The following N4BP2 variants were observed in gnomAD, a reference collection of about 807,000 sequenced individuals.
N4BP2 encodes the protein NEDD4 binding protein 2.
N4BP2 carries 91 observed loss-of-function variants against 152.8 expected under a neutral mutation model. That is an observed-to-expected ratio of 0.60 (90% CI 0.50 to 0.71). The LOEUF (loss-of-function observed/expected upper bound fraction) is 0.71, where lower values mean the gene tolerates loss of function less well. Ranked by LOEUF, N4BP2 falls within the 30% of genes least tolerant of loss-of-function variation. The pLI is 0.00. For synonymous variants in N4BP2, 646 were observed against 705.3 expected, an observed-to-expected ratio of 0.92 and a Z score of 1.33; for missense variants, 1,923 against 2,059.1, an observed-to-expected ratio of 0.93 and a Z score of 1.28.
At chr4:40,078,226 C>T (rs1403567553) in intron 2 of N4BP2, among the ~76,000 whole-genome samples, 2 of 151,052 alleles carry the variant, frequency 1.3e-5, no homozygotes, top group South Asian at 2.1e-4. Context: ...GGATTTCAGC[C>T]TCCTGGTTTC....
chr4:40,150,649 C>T (rs185347122), intron 16 of N4BP2, among the ~76,000 whole-genome samples: 1 of 145,372 alleles, frequency 6.9e-6, no homozygotes, highest in Non-Finnish European at 1.5e-5. Flanking sequence ...TCAACCTGGG[C>T]AACAGAGTGA....
At position 40,099,681 on chromosome 4, in the gene N4BP2, GA is replaced by G. The variant is rs200624860; in HGVS notation, c.229+2120del. 4.7e-4 allele frequency among the ~76,000 whole-genome samples: 72 copies of G among 151,708 alleles called. No individual in the cohort carries two copies. In the East Asian group the frequency reaches 0.01, roughly 22 times the overall value. ...TTCTTGTGTAAATTGTTCATTCATT[GA>G]AAAAAAATTTTTTTATACCATGGTT... On this transcript the variant is annotated intron_variant, in intron 3 of 17. Transcript: ENST00000261435.
chr4:40,087,254 C>T (rs1307914857), intron 2 of N4BP2, among the ~76,000 whole-genome samples: 2 of 151,852 alleles, frequency 1.3e-5, no homozygotes, highest in South Asian at 2.1e-4. Flanking sequence ...TCCTTTTCCC[C>T]TTCCCCTCCT....
intron 16 of N4BP2, among the ~76,000 whole-genome samples, chr4:40,149,385 G>A (rs916774649): frequency 6.6e-6 from 1 of 152,202 alleles, no homozygotes; most frequent in African/African-American, 2.4e-5. Flanking sequence ...TAAATCTAGA[G>A]AGACAAAAAT....
At chr4:40,092,008 T>TA (rs1491368293) in intron 2 of N4BP2, among the ~76,000 whole-genome samples, 64 of 27,164 alleles carry the variant, frequency 2.4e-3, no homozygotes, top group African/African-American at 4.0e-3. Context: ...AAAAAAAAAA[T>TA]TATATATATA....
At chr4:40,107,173 C>T in intron 5 of N4BP2, 149 bp downstream of exon 5, 1 of 731,082 alleles carries the variant, frequency 1.4e-6, no homozygotes, top group Non-Finnish European at 2.2e-6. Context: ...GATCTTGGCT[C>T]ACTGCAGCCT....
chr4:40,180,003 A>G, the N4BP2 span, among the ~76,000 whole-genome samples: 2 of 152,084 alleles, frequency 1.3e-5, no homozygotes, highest in African/African-American at 4.8e-5. Flanking sequence ...ACCTCAGGTG[A>G]TCCGCCCACC....
intron 16 of N4BP2, among the ~76,000 whole-genome samples, chr4:40,148,725 A>G (rs1670953383): frequency 6.6e-6 from 1 of 152,232 alleles, no homozygotes; most frequent in Non-Finnish European, 1.5e-5. Flanking sequence ...TCTGGGCTCA[A>G]GTGATCCTCC....
intron 13 of N4BP2, among the ~76,000 whole-genome samples, chr4:40,133,951 A>T (rs1204243911): frequency 6.6e-6 from 1 of 151,714 alleles, no homozygotes; most frequent in African/African-American, 2.4e-5. Flanking sequence ...GACTATAGAC[A>T]CGTGCCACCA....
chr4:40,077,455 CTTT>C (rs34189324), intron 2 of N4BP2, among the ~76,000 whole-genome samples: 79 of 125,606 alleles, frequency 6.3e-4, no homozygotes, highest in Middle Eastern at 4.0e-3. Flanking sequence ...GCCAGAATAT[CTTT>C]TTTTTTTTTT....
At chr4:40,110,311 A>G (rs1198326481) in intron 5 of N4BP2, among the ~76,000 whole-genome samples, 1 of 152,224 alleles carries the variant, frequency 6.6e-6, no homozygotes, top group Admixed American at 6.5e-5. Context: ...CCTTTTTAGG[A>G]ACTGCCATGC....
chr4:40,175,928 A>G, the N4BP2 span, among the ~76,000 whole-genome samples: 3 of 151,584 alleles, frequency 2.0e-5, no homozygotes, highest in South Asian at 6.3e-4. Context: ...GTCTCTACTA[A>G]GAATACAAAA....
At position 40,120,158 on chromosome 4, in the gene N4BP2, A is replaced by G. The variant is rs1200644771; in HGVS notation, c.2047A>G (p.Met683Val). The G allele has an allele frequency of 1.9e-6, 3 of 1,613,326 alleles. No homozygotes were observed. Among genetic ancestry groups the G allele is most frequent in the South Asian group, 1.1e-5 (1 of 91,050 alleles). ...QSALILETPH[M>V]YFSDSESKLQ... is the part of the protein sequence containing the mutation. Reference sequence around the variant, plus strand: ...TGCTTTAATTCTGGAAACTCCACACATGTATTTTTCTGACTCTGAAAGCAA... The same window carrying G: ...TGCTTTAATTCTGGAAACTCCACACGTGTATTTTTCTGACTCTGAAAGCAA... Residue 683 changes from methionine to valine, a missense_variant, in exon 9 of 18, where the codon ATG (methionine) becomes GTG (valine). Transcript: ENST00000261435.
In N4BP2 at chr4:40,123,108, C is replaced by T. The variant is rs953109111; in HGVS notation, c.4199-19C>T. 4 of 1,530,270 alleles carry T rather than the reference C, an allele frequency of 2.6e-6. No homozygotes were observed. Among genetic ancestry groups the T allele is most frequent in the Non-Finnish European group, 3.6e-6 (4 of 1,112,324 alleles). 94.8% of individuals were successfully genotyped at this position (1,530,270 alleles called of 1,614,324 possible). ...ATGAGTAATGATTACATTTTCTTCC[C>T]TCCCCCTTCCCCCACAAGGGTCTCT... On this transcript the variant is annotated intron_variant, in intron 9 of 17. Transcript: ENST00000261435.
At chr4:40,174,684 C>T in the N4BP2 span, among the ~76,000 whole-genome samples, 1 of 151,960 alleles carries the variant, frequency 6.6e-6, no homozygotes, top group African/African-American at 2.4e-5. Flanking sequence ...CACCTGTCAT[C>T]CCAGTTACTC....
intron 2 of N4BP2, among the ~76,000 whole-genome samples, chr4:40,093,225 T>C (rs1178637415): frequency 1.3e-5 from 2 of 152,194 alleles, no homozygotes; most frequent in Non-Finnish European, 2.9e-5. Flanking sequence ...ATTACAGGCA[T>C]GAGCCACCAT....
chr4:40,184,870 C>T, the N4BP2 span, among the ~76,000 whole-genome samples: 5 of 152,062 alleles, frequency 3.3e-5, no homozygotes, highest in Admixed American at 1.3e-4. Flanking sequence ...GCGTAAGAAT[C>T]GCTTGAACCT....
Position 40,120,458 on chromosome 4 carries a change from G to T in N4BP2, c.2347G>T (p.Glu783Ter). 2 of 1,613,808 alleles carry T rather than the reference G, an allele frequency of 1.2e-6. No homozygotes were observed. Among genetic ancestry groups the T allele is most frequent in the South Asian group, 2.2e-5 (2 of 91,070 alleles). The change falls in exon 9 of 18, where the codon GAG becomes TAG. Residue 783 changes from glutamate (E) to a stop codon, truncating the protein, a stop_gained. Transcript: ENST00000261435. LOFTEE classifies it high-confidence loss of function. ...KSTLEKFPRH[E>*]LSNFVGDWPV... Reference sequence around the variant, plus strand: ...GACTTTGGAAAAGTTCCCAAGACATGAGCTATCAAATTTTGTTGGTGACTG... The same window carrying T: ...GACTTTGGAAAAGTTCCCAAGACATTAGCTATCAAATTTTGTTGGTGACTG...
At chr4:40,072,912 G>A (rs1325683416) in intron 1 of N4BP2, among the ~76,000 whole-genome samples, 2 of 151,224 alleles carry the variant, frequency 1.3e-5, no homozygotes, top group African/African-American at 4.9e-5. Flanking sequence ...AGCAGAGACG[G>A]GGTCTCACCA....
Sources: gnomAD v4.1 joint callset for allele counts (sites outside exome capture counted in the v4.1 genomes callset) on GRCh38, gnomAD v4.1.1 for gene constraint, MANE v1.5 for transcripts, NCBI Gene and HGNC (gene_info 2026-07-23, HGNC 2026-07-21) for gene names.